RIMBP2: variants seen among roughly 807,000 people sequenced by gnomAD.
RIMBP2 encodes the protein RIMS binding protein 2.
A neutral mutation model predicts 118.6 loss-of-function variants in RIMBP2; 48 were observed. That is an observed-to-expected ratio of 0.40 (90% CI 0.32 to 0.51). The LOEUF (loss-of-function observed/expected upper bound fraction) is 0.51, where lower values mean the gene tolerates loss of function less well. Among genes scored for constraint, RIMBP2 ranks in the 20% least tolerant of loss-of-function variants. The pLI, the probability that RIMBP2 is intolerant of heterozygous loss-of-function variation, is 0.41. For synonymous variants in RIMBP2, 762 were observed against 742.9 expected, an observed-to-expected ratio of 1.03 and a Z score of -0.42; for missense variants, 1,551 against 1,768.3, an observed-to-expected ratio of 0.88 and a Z score of 2.20.
chr12:130,615,270 C>CATATATATATATATAT (rs2060840207), intron 2 of RIMBP2, among the ~76,000 whole-genome samples: 1 of 29,142 alleles, frequency 3.4e-5, no homozygotes, highest in Non-Finnish European at 7.1e-5. Context: ...ATACATAATA[C>CATATATATATATATAT]ACATACATAT....
chr12:130,618,793 G>A (rs187198639), intron 2 of RIMBP2, among the ~76,000 whole-genome samples: 1 of 152,258 alleles, frequency 6.6e-6, no homozygotes, highest in East Asian at 1.9e-4. Context: ...ATGGGAGACT[G>A]TGCACGAACG....
chr12:130,675,492 C>A (rs1300417945), intron 1 of RIMBP2, among the ~76,000 whole-genome samples: 2 of 152,204 alleles, frequency 1.3e-5, no homozygotes, highest in Non-Finnish European at 2.9e-5. Flanking sequence ...AGAGCCCCTG[C>A]TCCTGCAATG....
At chr12:130,582,151 C>A (rs1489255390) in intron 2 of RIMBP2, among the ~76,000 whole-genome samples, 1 of 152,216 alleles carries the variant, frequency 6.6e-6, no homozygotes, top group Non-Finnish European at 1.5e-5. Context: ...GTCTCCATAG[C>A]ACTCCCTACC....
chr12:130,668,401 GA>G (rs1412184764), intron 1 of RIMBP2: 1 of 152,268 alleles, frequency 6.6e-6, no homozygotes, highest in Non-Finnish European at 1.5e-5. Context: ...AGGCTGCACA[GA>G]ACGTCTGCAG....
chr12:130,684,743 C>A (rs2064964005), intron 1 of RIMBP2, among the ~76,000 whole-genome samples: 1 of 152,186 alleles, frequency 6.6e-6, no homozygotes, highest in East Asian at 1.9e-4. Context: ...TTATCACAAA[C>A]CCTTACAGCA....
At chr12:130,494,780 C>A (rs1313127051) in intron 4 of RIMBP2, among the ~76,000 whole-genome samples, 2 of 152,208 alleles carry the variant, frequency 1.3e-5, no homozygotes, top group Non-Finnish European at 2.9e-5. Context: ...GAGCACTTGG[C>A]CTTATGTGGG....
intron 1 of RIMBP2, among the ~76,000 whole-genome samples, chr12:130,634,986 CA>C (rs996764413): frequency 1.5e-4 from 22 of 151,566 alleles, no homozygotes; most frequent in Non-Finnish European, 2.8e-4. Context: ...CCAGAGCACA[CA>C]AAAAAAAGGG....
chr12:130,642,147 CA>C (rs1435199703), intron 1 of RIMBP2, among the ~76,000 whole-genome samples: 5 of 152,274 alleles, frequency 3.3e-5, no homozygotes, highest in Admixed American at 3.3e-4. Flanking sequence ...ACTCAGGGCT[CA>C]GGGGACGGGA....
intron 1 of RIMBP2, among the ~76,000 whole-genome samples, chr12:130,715,338 G>A (rs1361306987): frequency 6.6e-6 from 1 of 152,112 alleles, no homozygotes; most frequent in Non-Finnish European, 1.5e-5. Flanking sequence ...GCCGGGAGGT[G>A]AAGCAGTCCT....
intron 4 of RIMBP2, among the ~76,000 whole-genome samples, chr12:130,506,373 G>T (rs1260298895): frequency 6.6e-6 from 1 of 152,180 alleles, no homozygotes; most frequent in Non-Finnish European, 1.5e-5. Flanking sequence ...CAGGAGCGGT[G>T]TGCCTGCCAC....
rs867250670 is a variant in RIMBP2 at position 130,414,104 on chromosome 12, C to T, written c.3420+21G>A. The T allele has an allele frequency of 2.5e-6, 4 of 1,613,638 alleles. No individual in the cohort carries two copies. In the Middle Eastern group the frequency reaches 6.9e-4, roughly 278 times the overall value. ...CCGCCTCAGGGGCTGATGAAGCCGC[C>T]CGCAGGCAGCCATCCCGCACCTTGA... is the stretch of plus-strand genomic sequence containing the variant. On this transcript the variant is annotated intron_variant, in intron 18 of 22. Transcript: ENST00000690449.
chr12:130,599,640 A>G (rs868396368), intron 2 of RIMBP2, among the ~76,000 whole-genome samples: 6 of 152,256 alleles, frequency 3.9e-5, no homozygotes, highest in Admixed American at 1.3e-4. Flanking sequence ...AGATGATTGG[A>G]ACTCTCATAT....
intron 1 of RIMBP2, among the ~76,000 whole-genome samples, chr12:130,641,130 C>T (rs962888515): frequency 3.9e-5 from 6 of 152,168 alleles, no homozygotes; most frequent in African/African-American, 9.7e-5. Context: ...GTGCTCTACT[C>T]GCAGCCACTG....
At chr12:130,640,273 T>C (rs2062559511) in intron 1 of RIMBP2, among the ~76,000 whole-genome samples, 1 of 152,104 alleles carries the variant, frequency 6.6e-6, no homozygotes, top group Admixed American at 6.5e-5. Context: ...TTAAACACAC[T>C]TACCGCTCAA....
intron 9 of RIMBP2, among the ~76,000 whole-genome samples, chr12:130,449,275 G>T (rs2078794846): frequency 6.6e-6 from 1 of 152,284 alleles, no homozygotes; most frequent in Non-Finnish European, 1.5e-5. Flanking sequence ...CCCATGGGCA[G>T]AGTTGGCTGC....
intron 1 of RIMBP2, among the ~76,000 whole-genome samples, chr12:130,699,904 T>TAAAA (rs33963621): frequency 5.8e-5 from 5 of 85,666 alleles, no homozygotes; most frequent in East Asian, 6.0e-4. Flanking sequence ...GACTCTGTCT[T>TAAAA]AAAAAAAAAA....
At chr12:130,457,154 C>G (rs2079524835) in intron 6 of RIMBP2, among the ~76,000 whole-genome samples, 1 of 152,176 alleles carries the variant, frequency 6.6e-6, no homozygotes, top group South Asian at 2.1e-4. Context: ...CTCAGGGGAG[C>G]AGCTCAGGTG....
Position 130,459,051 on chromosome 12 carries a change from A to AAAAAAC in RIMBP2, c.154-2352_154-2351insGTTTTT, listed in dbSNP as rs1555257705. 2.2e-4 allele frequency among the ~76,000 whole-genome samples: 16 copies of AAAAAAC among 74,086 alleles called. 1 individual carries two copies. The highest frequency in any genetic ancestry group is 6.0e-4 in the Admixed American group (4 of 6,698). The allele number at this position is 74,086 out of a possible 152,430, so 48.6% of individuals were successfully genotyped here. On this transcript the variant is annotated intron_variant, in intron 6 of 22. Transcript: ENST00000690449. ...AAGAGTGACACTCTGTCTCAAAAAA[A>AAAAAAC]AAAAAAAACAAAAAAAAAGTGAATA... is the stretch of plus-strand genomic sequence containing the variant.
At chr12:130,459,715 A>G (rs2079804972) in intron 6 of RIMBP2, among the ~76,000 whole-genome samples, 2 of 151,500 alleles carry the variant, frequency 1.3e-5, no homozygotes, top group South Asian at 4.2e-4. Flanking sequence ...TCGTCGCAAT[A>G]CAGAGGGAAC....
Sources: allele counts gnomAD v4.1 joint callset (sites outside exome capture counted in the v4.1 genomes callset), GRCh38; gene constraint gnomAD v4.1.1; transcripts MANE v1.5; gene names NCBI Gene and HGNC (gene_info 2026-07-23, HGNC 2026-07-21).